The following REPS2 variants were observed in gnomAD, a reference collection of about 807,000 sequenced individuals.
REPS2 encodes the protein ralBP1-associated Eps domain-containing protein 2.
REPS2 carries 23 observed loss-of-function variants against 53.6 expected under a neutral mutation model. The ratio of observed to expected loss-of-function variants is 0.43; its 90% CI spans 0.31 to 0.61. The LOEUF (loss-of-function observed/expected upper bound fraction) is 0.61. REPS2 is among the 20% of genes least tolerant of loss of function. The pLI is 0.11. For synonymous variants in REPS2, 238 were observed against 218.6 expected (o/e 1.09, Z -0.78); for missense variants, 446 against 534.9 (o/e 0.83, Z 1.64).
intron 1 of REPS2, among the ~76,000 whole-genome samples, chrX:16,947,845 A>G (rs1395490732): frequency 9.0e-6 from 1 of 111,620 alleles, no homozygotes; most frequent in African/African-American, 3.3e-5. Flanking sequence ...TGGACTTGAA[A>G]TAGAATTGAA....
At chrX:16,948,582 A>C (rs973979046) in intron 1 of REPS2, among the ~76,000 whole-genome samples, 1 of 112,439 alleles carries the variant, frequency 8.9e-6, no homozygotes, top group Non-Finnish European at 1.9e-5. Flanking sequence ...AGTAAGTGAC[A>C]GCTGGGTACC....
chrX:17,146,025 C>T (rs2063508920), intron 17 of REPS2, among the ~76,000 whole-genome samples: 2 of 107,002 alleles, frequency 1.9e-5, no homozygotes, highest in Non-Finnish European at 3.9e-5. Flanking sequence ...AGGAGAATGG[C>T]GTGAACCTGG....
At chrX:17,060,645 G>A (rs990114975) in intron 8 of REPS2, among the ~76,000 whole-genome samples, 2 of 111,130 alleles carry the variant, frequency 1.8e-5, no homozygotes, top group African/African-American at 6.6e-5. Flanking sequence ...TAGGTTCTGG[G>A]AAGGGGGAAC....
At chrX:17,032,879 C>T (rs1195070358) in intron 5 of REPS2, among the ~76,000 whole-genome samples, 1 of 111,884 alleles carries the variant, frequency 8.9e-6, no homozygotes, top group Non-Finnish European at 1.9e-5. Context: ...CACTTTTGTT[C>T]GGGTGTTGGA....
At chrX:17,052,276 A>G in intron 6 of REPS2, 106 bp from the exon 7 acceptor site, 1 of 598,257 alleles carries the variant, frequency 1.7e-6, no homozygotes, top group Non-Finnish European at 2.7e-6. Context: ...TTGTGGTTAT[A>G]CAGAAGAGAT....
At chrX:16,986,791 C>T (rs998054572) in intron 1 of REPS2, among the ~76,000 whole-genome samples, 2 of 111,146 alleles carry the variant, frequency 1.8e-5, no homozygotes, top group Non-Finnish European at 3.8e-5. Flanking sequence ...ACTGAAAAGT[C>T]CCACATCCCA....
At chrX:17,111,897 A>G (rs1377529835) in intron 14 of REPS2, among the ~76,000 whole-genome samples, 1 of 111,729 alleles carries the variant, frequency 9.0e-6, no homozygotes, top group African/African-American at 3.3e-5. Context: ...GAGGGACAAG[A>G]TAGGTTGGAC....
Position 16,984,322 on chromosome X carries a change from G to A in REPS2, c.274-21899G>A, listed in dbSNP as rs771397938. Among the ~76,000 whole-genome samples the A allele has an allele frequency of 1.2e-3, 131 of 112,349 alleles. 1 individual carries two copies. The highest frequency in any genetic ancestry group is 4.0e-3 in the African/African-American group (125 of 30,914). Reference sequence around the variant, plus strand: ...GTTGCTTGATTGTCATCATGACATGGCAGCTGGCCTCCTTCAGAGTGAGGG... The same window carrying A: ...GTTGCTTGATTGTCATCATGACATGACAGCTGGCCTCCTTCAGAGTGAGGG... On this transcript the variant is annotated intron_variant, in intron 1 of 17. Transcript: ENST00000357277.
At chrX:17,112,206 C>G (rs1262785700) in intron 14 of REPS2, among the ~76,000 whole-genome samples, 1 of 111,352 alleles carries the variant, frequency 9.0e-6, no homozygotes, top group African/African-American at 3.3e-5. Context: ...GTAATCCTCC[C>G]ACCTCAGCCT....
At chrX:17,107,142 G>A (rs1307697860) in intron 14 of REPS2, among the ~76,000 whole-genome samples, 1 of 112,082 alleles carries the variant, frequency 8.9e-6, no homozygotes, top group Non-Finnish European at 1.9e-5. Context: ...GTTTATCAAG[G>A]TTGAATATTC....
In REPS2 at chrX:17,006,245, C is replaced by T. The variant is rs779056454; in HGVS notation, c.298C>T (p.Arg100Trp). 11 of 1,208,780 alleles carry T rather than the reference C, an allele frequency of 9.1e-6. No individual in the cohort carries two copies. The highest frequency in any genetic ancestry group is 2.2e-5 in the Admixed American group (1 of 45,757). ...GATCACAGAACTGTGTGGTGCAAAG[C>T]GGGTTGGTTATTTTGGTCCAACACA... ...HQITELCGAK[R>W]VGYFGPTQFY... Residue 100 changes from arginine to tryptophan, a missense_variant, in exon 2 of 18, where the codon CGG (arginine) becomes TGG (tryptophan). Transcript: ENST00000357277.
rs761592588 is a variant in REPS2, at chrX:17,027,659, GTTTTTTTTTT to G, written c.674-1853_674-1844del. 1.5e-3 allele frequency among the ~76,000 whole-genome samples: 103 copies of G among 67,285 alleles called. 1 individual carries two copies. The highest frequency in any genetic ancestry group is 5.9e-3 in the African/African-American group (98 of 16,521). The allele number at this position is 67,285 out of a possible 115,157, so 58.4% of individuals were successfully genotyped here. A position where few individuals can be genotyped will look rare whatever the true frequency, so the allele number is the denominator to read the frequency against. On this transcript the variant is annotated intron_variant, in intron 4 of 17. Transcript: ENST00000357277. ...AACTTCAGAGTGATGAAATCTTTAG[GTTTTTTTTTT>G]TTTTTTTTTTTTTGTACACCTCCCC...
chrX:17,119,868 C>CTTTTTTTTTTTTT lies in REPS2; in HGVS notation c.1579-13942_1579-13930dup, dbSNP rs35141257. Among the ~76,000 whole-genome samples the CTTTTTTTTTTTTT allele has an allele frequency of 3.7e-4, 15 of 40,509 alleles. 3 individuals carry two copies. Among genetic ancestry groups the CTTTTTTTTTTTTT allele is most frequent in the African/African-American group, 1.8e-3 (15 of 8,396 alleles). The allele number at this position is 40,509 out of a possible 115,157, so 35.2% of individuals were successfully genotyped here. A position where few individuals can be genotyped will look rare whatever the true frequency, so the allele number is the denominator to read the frequency against. ...TCTGCTGTCCCCTATCGCACTGTGA[C>CTTTTTTTTTTTTT]TTTTTTTTTTTTTTTTTTTTTTTTT... On this transcript the variant is annotated intron_variant, in intron 14 of 17. Coordinates refer to ENST00000357277, the MANE Select transcript of REPS2 (RefSeq NM_004726.3).
Position 17,049,338 on chromosome X carries a change from T to C in REPS2, c.907+1856T>C, listed in dbSNP as rs186376752. Among the ~76,000 whole-genome samples, 6 of 112,196 alleles carry C rather than the reference T, an allele frequency of 5.3e-5. No individual in the cohort carries two copies. In the East Asian group the frequency reaches 1.7e-3, roughly 31 times the overall value. On this transcript the variant is annotated intron_variant, in intron 6 of 17. Coordinates refer to ENST00000357277, the MANE Select transcript of REPS2 (RefSeq NM_004726.3). Reference sequence around the variant, plus strand: ...GTTATCCTAGGAGGCGGCAGCTACCTGCAGGTTATTGTCCTCTTCTAGTCA... The same window carrying C: ...GTTATCCTAGGAGGCGGCAGCTACCCGCAGGTTATTGTCCTCTTCTAGTCA...
chrX:17,148,597 T>G lies in REPS2; in HGVS notation c.*1116T>G. ...AGTGTATTCTTGGGAAGTGATTGGT[T>G]TATATCAGATTCAGAGGAGCCCAAT... On this transcript the variant is annotated 3_prime_UTR_variant, in exon 18 of 18. Coordinates refer to ENST00000357277, the MANE Select transcript of REPS2 (RefSeq NM_004726.3). The G allele has an allele frequency of 7.0e-6, 1 of 142,258 alleles. No homozygotes were observed. Among genetic ancestry groups the G allele is most frequent in the Non-Finnish European group, 1.4e-5 (1 of 71,838 alleles). 11.7% of individuals were successfully genotyped at this position (142,258 alleles called of 1,213,427 possible). A position where few individuals can be genotyped will look rare whatever the true frequency, so the allele number is the denominator to read the frequency against.
chrX:17,164,350 T>C, the REPS2 span, among the ~76,000 whole-genome samples: 2 of 111,818 alleles, frequency 1.8e-5, no homozygotes, highest in Non-Finnish European at 3.8e-5. Context: ...ACAAGAGATA[T>C]ACTTTAGATT....
At chrX:17,035,600 C>T (rs1294288338) in intron 5 of REPS2, among the ~76,000 whole-genome samples, 1 of 110,793 alleles carries the variant, frequency 9.0e-6, no homozygotes, top group Non-Finnish European at 1.9e-5. Flanking sequence ...TTCATACGAA[C>T]GTGTGTGAGC....
Position 17,133,845 on chromosome X carries a change from G to A in REPS2, c.1600G>A (p.Glu534Lys), listed in dbSNP as rs148828323. ...ACAGTCTGAACAAGTGTCGGAGGCC[G>A]AGTTACTCCCACAGCTGAGCAGAGC... ...PSQSEQVSEAELLPQLSRAPS... is the reference protein window; with the variant it reads ...PSQSEQVSEAKLLPQLSRAPS... The change falls in exon 15 of 18, where the codon GAG (glutamate) becomes AAG (lysine). Residue 534 changes from glutamate to lysine, a missense_variant. Physicochemically the swap from Glu to Lys is moderately conservative, Grantham distance 56. Transcript: ENST00000357277. 4.4e-5 allele frequency: 53 copies of A among 1,208,974 alleles called. No homozygotes were observed. The highest frequency in any genetic ancestry group is 5.6e-5 in the Non-Finnish European group (50 of 894,495).
At chrX:17,140,995 T>A (rs184548925) in intron 17 of REPS2, among the ~76,000 whole-genome samples, 1 of 111,167 alleles carries the variant, frequency 9.0e-6, no homozygotes, top group Non-Finnish European at 1.9e-5. Flanking sequence ...TGGTCTCGAT[T>A]TCCTGACCTT....
Sources: allele counts gnomAD v4.1 joint callset (sites outside exome capture counted in the v4.1 genomes callset), GRCh38; gene constraint gnomAD v4.1.1; transcripts MANE v1.5; gene names NCBI Gene and HGNC (gene_info 2026-07-23, HGNC 2026-07-21).